Variants in MICU3 observed in about 807,000 individuals in gnomAD.
MICU3 encodes mitochondrial calcium uptake 3.
In MICU3, 62 loss-of-function variants were observed where a neutral mutation model predicts 66.5. That is an observed-to-expected ratio of 0.93 (90% CI 0.76 to 1.15). The LOEUF is 1.15. Among genes scored for constraint, MICU3 ranks in the 50% most tolerant of loss-of-function variants. MICU3 has a pLI of 0.00. For synonymous variants in MICU3, 308 were observed against 240.7 expected (o/e 1.28, Z -2.59); for missense variants, 779 against 664.4 (o/e 1.17, Z -1.90).
chr8:17,117,403 A>C, intron 13 of MICU3, among the ~76,000 whole-genome samples: 1 of 152,236 alleles, frequency 6.6e-6, no homozygotes, highest in Non-Finnish European at 1.5e-5. Flanking sequence ...TCTTACAGTA[A>C]AAAATAATTA....
rs367842821 is a variant in MICU3, at chr8:17,081,818, T to C, written c.694+78T>C. On this transcript the variant is annotated intron_variant, in intron 5 of 14. Transcript: ENST00000318063. ...ATCTTGGAAAGCAGATCTTAGGTTC[T>C]CTTACTCTTGAAAATCAATATCCAT... The C allele has an allele frequency of 1.0e-3, 706 of 677,062 alleles. 4 individuals carry two copies. In the South Asian group the frequency reaches 0.011, roughly 10 times the overall value. 41.9% of individuals were successfully genotyped at this position (677,062 alleles called of 1,614,324 possible).
At chr8:17,104,564 A>G in intron 10 of MICU3, 73 bp downstream of exon 10, 1 of 724,812 alleles carries the variant, frequency 1.4e-6, no homozygotes, top group Admixed American at 3.1e-5. Context: ...GAAATTGTCT[A>G]GTACAGCAAT....
chr8:17,084,191 A>T (rs998151504), intron 5 of MICU3, among the ~76,000 whole-genome samples: 14 of 151,976 alleles, frequency 9.2e-5, no homozygotes, highest in Non-Finnish European at 1.9e-4. Context: ...TTTGTACTGT[A>T]TTTTTCCCTC....
At chr8:17,063,918 A>C (rs1223117039) in intron 1 of MICU3, among the ~76,000 whole-genome samples, 166 bp from the exon 2 acceptor site, 3 of 152,132 alleles carry the variant, frequency 2.0e-5, no homozygotes, top group Non-Finnish European at 4.4e-5. Flanking sequence ...AATTTATTTT[A>C]TTTATGTGAA....
Position 17,105,520 on chromosome 8 carries a change from A to G in MICU3, c.1193A>G (p.Tyr398Cys). The G allele has an allele frequency of 1.3e-6, 2 of 1,578,520 alleles. No individual in the cohort carries two copies. Among genetic ancestry groups the G allele is most frequent in the South Asian group, 1.1e-5 (1 of 87,188 alleles). The change falls in exon 11 of 15, where the codon TAT becomes TGT. Residue 398 changes from tyrosine (Y) to cysteine (C), a missense_variant. Tyr to Cys is a radical substitution (Grantham distance 194). Coordinates refer to ENST00000318063, the MANE Select transcript of MICU3 (RefSeq NM_181723.3). ...GATTTTGCTCATATTCTTTTACGAT[A>G]TACAAATGTGGAAAATACATCAGTA... is the stretch of plus-strand genomic sequence containing the variant. The part of the protein sequence containing the change: ...EEDFAHILLR[Y>C]TNVENTSVFL...
At chr8:17,045,689 C>G (rs1195831824) in intron 1 of MICU3, among the ~76,000 whole-genome samples, 2 of 152,166 alleles carry the variant, frequency 1.3e-5, no homozygotes, top group African/African-American at 4.8e-5. Context: ...TCTCATGCTG[C>G]TAATGAAGAC....
At chr8:17,134,796 C>G in the MICU3 span, among the ~76,000 whole-genome samples, 1 of 152,088 alleles carries the variant, frequency 6.6e-6, no homozygotes, top group South Asian at 2.1e-4. Context: ...ATGTGGCCTG[C>G]CCACATCAGG....
chr8:17,110,467 T>C (rs577023885), intron 11 of MICU3, among the ~76,000 whole-genome samples: 1 of 152,196 alleles, frequency 6.6e-6, no homozygotes, highest in Non-Finnish European at 1.5e-5. Flanking sequence ...GCTTTCTGTC[T>C]CTGTGGATTT....
intron 5 of MICU3, among the ~76,000 whole-genome samples, chr8:17,082,745 A>G (rs1272844368): frequency 1.3e-5 from 2 of 152,136 alleles, no homozygotes; most frequent in Admixed American, 1.3e-4. Flanking sequence ...GTCATTAGAA[A>G]CAATCTAAAA....
chr8:17,106,406 G>A (rs1417911820), intron 11 of MICU3, among the ~76,000 whole-genome samples: 2 of 150,764 alleles, frequency 1.3e-5, no homozygotes, highest in Non-Finnish European at 2.9e-5. Context: ...CCAAATTAGA[G>A]TACTTTTTGT....
chr8:17,049,683 A>T (rs150329412), intron 1 of MICU3: 1 of 511,350 alleles, frequency 2.0e-6, no homozygotes, highest in East Asian at 5.6e-5. Context: ...AATGTGAAAA[A>T]ACACTGGGTT....
chr8:17,086,614 G>A (rs1799499691), intron 6 of MICU3, among the ~76,000 whole-genome samples: 1 of 152,066 alleles, frequency 6.6e-6, no homozygotes, highest in African/African-American at 2.4e-5. Context: ...CTGTTTTTCT[G>A]CAGAACGTTC....
chr8:17,131,270 A>C, the MICU3 span: 1 of 152,322 alleles, frequency 6.6e-6, no homozygotes, highest in South Asian at 2.1e-4. Context: ...CTTTCCCCCT[A>C]CTAGGGCTGA....
intron 9 of MICU3, among the ~76,000 whole-genome samples, chr8:17,103,149 C>T (rs1294922768): frequency 1.3e-5 from 2 of 151,766 alleles, no homozygotes; most frequent in African/African-American, 2.4e-5. Flanking sequence ...GTCTTTGTTA[C>T]TCCATTTTAA....
At chr8:17,077,028 G>C (rs938354654) in intron 3 of MICU3, among the ~76,000 whole-genome samples, 4 of 152,152 alleles carry the variant, frequency 2.6e-5, no homozygotes, top group South Asian at 2.1e-4. Context: ...GTTTTTAACA[G>C]ACTATACACA....
At chr8:17,107,063 C>G (rs1801805401) in intron 11 of MICU3, among the ~76,000 whole-genome samples, 1 of 152,098 alleles carries the variant, frequency 6.6e-6, no homozygotes, top group Admixed American at 6.6e-5. Context: ...ATTTATTGAG[C>G]ATCTACTATT....
intron 11 of MICU3, among the ~76,000 whole-genome samples, chr8:17,106,916 C>G (rs1234202): frequency 1.3e-5 from 2 of 152,064 alleles, no homozygotes; most frequent in African/African-American, 4.8e-5. Flanking sequence ...TGTCTTTCCC[C>G]TCCTTCCGCC....
At chr8:17,042,339 A>G (rs930913096) in intron 1 of MICU3, among the ~76,000 whole-genome samples, 2 of 152,274 alleles carry the variant, frequency 1.3e-5, no homozygotes, top group South Asian at 4.1e-4. Context: ...CCAAACGCTG[A>G]GAATGTAACT....
At chr8:17,136,093 C>A in the MICU3 span, among the ~76,000 whole-genome samples, 8 of 152,112 alleles carry the variant, frequency 5.3e-5, no homozygotes, top group East Asian at 1.2e-3. Context: ...ATACCTAGCA[C>A]AATCTCCAAC....
Sources: allele counts gnomAD v4.1 joint callset (sites outside exome capture counted in the v4.1 genomes callset), GRCh38; gene constraint gnomAD v4.1.1; transcripts MANE v1.5; gene names NCBI Gene and HGNC (gene_info 2026-07-23, HGNC 2026-07-21).